TMEM116: variants seen among roughly 807,000 people sequenced by gnomAD.
The protein encoded by TMEM116 is transmembrane protein 116.
A neutral mutation model predicts 44.3 loss-of-function variants in TMEM116; 38 were observed. The observed-to-expected ratio is 0.86, with a 90% CI of 0.66 to 1.12. TMEM116 has a LOEUF of 1.12. Among genes scored for constraint, TMEM116 ranks in the 50% most tolerant of loss-of-function variants. The pLI is 0.00. For missense variants in TMEM116, 354 were observed against 401.7 expected (o/e 0.88, Z 1.01); for synonymous variants, 132 against 144.8 (o/e 0.91, Z 0.64).
intron 3 of TMEM116, among the ~76,000 whole-genome samples, chr12:111,998,860 C>G (rs954422285): frequency 6.6e-6 from 1 of 151,924 alleles, no homozygotes; most frequent in African/African-American, 2.4e-5. Context: ...GGAAAGGACC[C>G]TATGTATAGG....
chr12:111,946,011 T>G (rs1321170490), intron 4 of TMEM116, among the ~76,000 whole-genome samples: 2 of 152,232 alleles, frequency 1.3e-5, no homozygotes, highest in African/African-American at 2.4e-5. Flanking sequence ...TAGGCAAAGC[T>G]ATGATGTTTT....
intron 4 of TMEM116, among the ~76,000 whole-genome samples, chr12:111,989,977 C>T (rs927283607): frequency 1.2e-4 from 18 of 151,950 alleles, no homozygotes; most frequent in Non-Finnish European, 4.4e-5. Context: ...AGTAACAGGC[C>T]GGGTGCAGTG....
rs2072200882 is a variant in TMEM116 at position 111,936,844 on chromosome 12, C to A, written c.450-14G>T. On this transcript the variant is annotated splice_polypyrimidine_tract_variant and intron_variant, in intron 7 of 10. Coordinates refer to ENST00000552374, the MANE Select transcript of TMEM116 (RefSeq NM_001193531.2). ...ATCAAGATACACCTAGGAAGAAAAT[C>A]AATAAACAGGAGTACTACTACAGAT... 1 of 1,580,072 alleles carries A rather than the reference C, an allele frequency of 6.3e-7. No individual in the cohort carries two copies.
At chr12:111,941,231 C>T (rs1027283076) in intron 5 of TMEM116, among the ~76,000 whole-genome samples, 2 of 152,016 alleles carry the variant, frequency 1.3e-5, no homozygotes, top group African/African-American at 4.8e-5. Context: ...CAAAAATTAG[C>T]TGGGTGTGGT....
At chr12:111,968,781 T>G (rs1000914669) in intron 4 of TMEM116, among the ~76,000 whole-genome samples, 5 of 149,676 alleles carry the variant, frequency 3.3e-5, no homozygotes, top group African/African-American at 9.8e-5. Flanking sequence ...TCACCTGAGG[T>G]CAGGAGTTCT....
rs1479802481 is a variant in TMEM116 at position 112,003,970 on chromosome 12, T to G, written c.15-107A>C. ...TACAGTTTTATTGGCATAATTGATA[T>G]AAAATAAACTGCATTAAAAAAATTT... On this transcript the variant is annotated intron_variant, in intron 2 of 10. Transcript: ENST00000552374. 4.4e-6 allele frequency: 6 copies of G among 1,366,128 alleles called. No homozygotes were observed. In the African/African-American group the frequency reaches 9.2e-5, roughly 21 times the overall value. 84.6% of individuals were successfully genotyped at this position (1,366,128 alleles called of 1,614,324 possible).
At chr12:111,933,240 CAA>C (rs201394868) in intron 9 of TMEM116, among the ~76,000 whole-genome samples, 14 of 109,824 alleles carry the variant, frequency 1.3e-4, no homozygotes, top group Admixed American at 1.9e-4. Context: ...GACTCTGTCT[CAA>C]AAAAAAAAAA....
chr12:111,939,451 CAAAAA>C (rs34320561), intron 5 of TMEM116, among the ~76,000 whole-genome samples: 1 of 72,054 alleles, frequency 1.4e-5, no homozygotes. Context: ...GAATCCGTCT[CAAAAA>C]AAAAAAAAAA....
chr12:111,944,782 G>A (rs556325923), intron 4 of TMEM116, among the ~76,000 whole-genome samples: 4 of 152,180 alleles, frequency 2.6e-5, no homozygotes, highest in African/African-American at 9.6e-5. Flanking sequence ...GCTCACACAG[G>A]GCCAGGAATA....
chr12:111,943,193 G>T, intron 5 of TMEM116, 72 bp downstream of exon 5: 2 of 1,208,062 alleles, frequency 1.7e-6, no homozygotes, highest in Non-Finnish European at 2.5e-6. Flanking sequence ...CTAACTGCTG[G>T]GATTACAGGT....
At chr12:111,976,052 G>A (rs2075650522) in intron 4 of TMEM116, among the ~76,000 whole-genome samples, 1 of 151,910 alleles carries the variant, frequency 6.6e-6, no homozygotes, top group African/African-American at 2.4e-5. Flanking sequence ...CTAGGCTGGA[G>A]TGCTGGAGTG....
At position 112,009,777 on chromosome 12, in the gene TMEM116, T is replaced by C. The variant is rs373694799; in HGVS notation, c.-34+3225A>G. ...AGGAAAATCACTTGAACGCAGGAGG[T>C]GGAGGTTGCAGTGAGCTGAGATCAG... is the stretch of plus-strand genomic sequence containing the variant. On this transcript the variant is annotated intron_variant, in intron 1 of 10. Coordinates refer to ENST00000552374, the MANE Select transcript of TMEM116 (RefSeq NM_001193531.2). 3.3e-5 allele frequency among the ~76,000 whole-genome samples: 5 copies of C among 150,014 alleles called. No homozygotes were observed. In the East Asian group the frequency reaches 7.8e-4, roughly 23 times the overall value.
At chr12:111,939,835 TAAAA>T (rs2072528796) in intron 5 of TMEM116, among the ~76,000 whole-genome samples, 1 of 131,240 alleles carries the variant, frequency 7.6e-6, no homozygotes, top group Non-Finnish European at 1.7e-5. Context: ...ATCAAAAAAA[TAAAA>T]AGAAAAGAAA....
chr12:111,947,726 T>C (rs2073398032), intron 4 of TMEM116, among the ~76,000 whole-genome samples: 1 of 152,186 alleles, frequency 6.6e-6, no homozygotes. Flanking sequence ...ATCAGATTCA[T>C]GAAAAAGACT....
At chr12:111,997,612 T>G (rs2076999455) in intron 3 of TMEM116, among the ~76,000 whole-genome samples, 2 of 152,068 alleles carry the variant, frequency 1.3e-5, no homozygotes, top group South Asian at 4.1e-4. Context: ...TATTACCTAA[T>G]ATGAGAACTA....
intron 4 of TMEM116, among the ~76,000 whole-genome samples, chr12:111,982,459 C>A (rs983710248): frequency 2.0e-5 from 3 of 151,958 alleles, no homozygotes; most frequent in Non-Finnish European, 2.9e-5. Context: ...TGCCACTACG[C>A]CCAGCTAATT....
intron 4 of TMEM116, among the ~76,000 whole-genome samples, chr12:111,987,522 A>G: frequency 6.6e-6 from 1 of 152,008 alleles, no homozygotes; most frequent in Non-Finnish European, 1.5e-5. Flanking sequence ...AAAAAAAAAA[A>G]AAGGGGGAAA....
intron 5 of TMEM116, among the ~76,000 whole-genome samples, chr12:111,938,947 T>C (rs1195827983): frequency 6.6e-6 from 1 of 152,202 alleles, no homozygotes; most frequent in East Asian, 1.9e-4. Context: ...AAGTGAGTAA[T>C]TAATCAATAA....
At chr12:111,964,240 A>T (rs890967405) in intron 4 of TMEM116, among the ~76,000 whole-genome samples, 1 of 151,992 alleles carries the variant, frequency 6.6e-6, no homozygotes, top group African/African-American at 2.4e-5. Context: ...AGAGATCAAG[A>T]CCATCCTGGC....
Sources: allele counts gnomAD v4.1 joint callset (sites outside exome capture counted in the v4.1 genomes callset), GRCh38; gene constraint gnomAD v4.1.1; transcripts MANE v1.5; gene names NCBI Gene and HGNC (gene_info 2026-07-23, HGNC 2026-07-21).